The following ANKRD35 variants were observed in gnomAD, a reference collection of about 807,000 sequenced individuals.
ANKRD35 encodes the protein ankyrin repeat domain 35.
ANKRD35 carries 102 observed loss-of-function variants against 109.9 expected under a neutral mutation model. That is an observed-to-expected ratio of 0.93 (90% CI 0.79 to 1.09). ANKRD35 has a LOEUF of 1.09. ANKRD35 is among the 50% of genes least tolerant of loss of function. ANKRD35 has a pLI of 0.00. For missense variants in ANKRD35, 1,240 were observed against 1,230.1 expected, an observed-to-expected ratio of 1.01 and a Z score of -0.12; for synonymous variants, 515 against 512.4, an observed-to-expected ratio of 1.01 and a Z score of -0.07.
rs782786936 is a variant in ANKRD35 at position 145,876,815 on chromosome 1, C to G, written c.382+1G>C. ...TGTTCCCATGAGTCCCCTGCACACA[C>G]CTGCCCAGTGCAATGGACTACGGTT... is the stretch of plus-strand genomic sequence containing the variant. On this transcript the variant is annotated splice_donor_variant, in intron 5 of 13. Transcript: ENST00000355594. LOFTEE classifies it high-confidence loss of function. 1 of 1,614,134 alleles carries G rather than the reference C, an allele frequency of 6.2e-7. No homozygotes were observed. Among genetic ancestry groups the G allele is most frequent in the South Asian group, 1.1e-5 (1 of 91,082 alleles).
chr1:145,874,262 C>T (rs879966357), intron 8 of ANKRD35, 70 bp from the exon 9 acceptor site: 2 of 1,547,370 alleles, frequency 1.3e-6, no homozygotes, highest in South Asian at 2.2e-5. Context: ...ACATTCTTAT[C>T]TTCAGACTTT....
intron 12 of ANKRD35, 41 bp downstream of exon 12, chr1:145,867,950 G>T: frequency 6.3e-7 from 1 of 1,594,612 alleles, no homozygotes; most frequent in Non-Finnish European, 8.6e-7. Flanking sequence ...CCTATACTCA[G>T]CTTTATGTCT....
chr1:145,871,721 A>G (rs1029360803), intron 10 of ANKRD35, among the ~76,000 whole-genome samples: 1 of 152,086 alleles, frequency 6.6e-6, no homozygotes, highest in Admixed American at 6.6e-5. Flanking sequence ...CCCTGAGCAC[A>G]CTGCTTCTGA....
intron 4 of ANKRD35, 83 bp downstream of exon 4, chr1:145,877,885 T>A: frequency 7.2e-7 from 1 of 1,393,228 alleles, no homozygotes; most frequent in Non-Finnish European, 1.0e-6. Flanking sequence ...GGCCAACTAT[T>A]CCTTTTAAGT....
At chr1:145,876,479 C>T in intron 6 of ANKRD35, 90 bp downstream of exon 6, 1 of 1,477,870 alleles carries the variant, frequency 6.8e-7, no homozygotes, top group Non-Finnish European at 9.5e-7. Flanking sequence ...GCTAACACAG[C>T]CCTAGGTCGT....
At chr1:145,878,115 C>T (rs1428842362) in intron 3 of ANKRD35, 83 bp from the exon 4 acceptor site, 2 of 1,288,328 alleles carry the variant, frequency 1.6e-6, no homozygotes, top group East Asian at 4.6e-5. Context: ...AAGAGACGCA[C>T]AGATAATCAG....
In ANKRD35 at chr1:145,873,024, T is replaced by C; in HGVS notation, c.1745A>G (p.Glu582Gly). 6.2e-7 allele frequency: 1 copy of C among 1,611,318 alleles called. No individual in the cohort carries two copies. The highest frequency in any genetic ancestry group is 1.1e-5 in the South Asian group (1 of 90,776). ...KAAPGSIKQD[E>G]EKEKRVPGAQ... ...CCCAGGAACCCTTTTCTCCTTCTCT[T>C]CATCCTGTTTGATGCTCCCTGGGGC... Residue 582 changes from glutamate to glycine, a missense_variant, in exon 10 of 14, where the codon GAA becomes GGA. Glu to Gly is a moderately conservative substitution (Grantham distance 98). Transcript: ENST00000355594.
At position 145,867,270 on chromosome 1, in the gene ANKRD35, CT is replaced by C. The variant is rs1553737866; in HGVS notation, c.*43+16del. The C allele has an allele frequency of 3.9e-6, 6 of 1,545,026 alleles. No individual in the cohort carries two copies. Among genetic ancestry groups the C allele is most frequent in the Non-Finnish European group, 8.9e-7 (1 of 1,118,234 alleles). On this transcript the variant is annotated intron_variant, in intron 13 of 13. Transcript: ENST00000355594. ...CTCCCAAACTCCTTCCCTCATCACCCTTAACCCACAACTCACAACAGAGAAT... is the reference window on the plus strand; with the variant it reads ...CTCCCAAACTCCTTCCCTCATCACCCTAACCCACAACTCACAACAGAGAAT...
rs782174058 is a variant in ANKRD35, at chr1:145,872,879, C to T, written c.1890G>A (p.Glu630=). ...GCCGCTCCCGCCCCAACTCCCCTAA[C>T]TCCTCCAGCAAGTTACTGTTGCTCA... ...LRLSNSNLLE[E]LGELGRERQR... The change falls in exon 10 of 14, where the codon GAG becomes GAA. Residue 630 remains glutamate (E), a synonymous_variant. Transcript: ENST00000355594. 1.4e-5 allele frequency: 22 copies of T among 1,614,038 alleles called. No individual in the cohort carries two copies. The highest frequency in any genetic ancestry group is 1.6e-4 in the Middle Eastern group (1 of 6,084).
intron 1 of ANKRD35, among the ~76,000 whole-genome samples, chr1:145,885,402 G>A (rs902533167): frequency 6.6e-6 from 1 of 152,036 alleles, no homozygotes; most frequent in Non-Finnish European, 1.5e-5. Flanking sequence ...CTGGGAGACG[G>A]AGCAGAAGTA....
Position 145,873,059 on chromosome 1 carries a change from G to T in ANKRD35, c.1710C>A (p.Ala570=), listed in dbSNP as rs1653907518. Residue 570 remains alanine (A), a synonymous_variant, in exon 10 of 14, where the codon GCC becomes GCA. Transcript: ENST00000355594. ...EVPSQESREG[A]LKAAPGSIKQ... ...TGATGCTCCCTGGGGCTGCCTTTAG[G>T]GCTCCCTCTCTGGACTCCTGGGAAG... 6.2e-6 allele frequency: 10 copies of T among 1,611,524 alleles called. No individual in the cohort carries two copies. The highest frequency in any genetic ancestry group is 8.5e-6 in the Non-Finnish European group (10 of 1,178,848).
At position 145,878,002 on chromosome 1, in the gene ANKRD35, G is replaced by A; in HGVS notation, c.290C>T (p.Ser97Phe). Residue 97 changes from serine to phenylalanine, a missense_variant, in exon 4 of 14, where the codon TCC becomes TTC. By Grantham distance (155) the Ser-to-Phe change is radical (BLOSUM62 -2). Coordinates refer to ENST00000355594, the MANE Select transcript of ANKRD35 (RefSeq NM_144698.5). ...AACCTTAACACACTGTGGCTGGCAG[G>A]AGATGGTGGCCAAGTGTAGGGCAGT... ...GSTALHLATI[S>F]CQPQCVKVLL... The A allele has an allele frequency of 1.2e-6, 2 of 1,614,110 alleles. No homozygotes were observed. The highest frequency in any genetic ancestry group is 1.7e-6 in the Non-Finnish European group (2 of 1,179,998).
rs782542847 is a variant in ANKRD35, at chr1:145,874,973, A to G, written c.594T>C (p.Ser198=). 4.3e-6 allele frequency: 7 copies of G among 1,611,726 alleles called. No homozygotes were observed. The South Asian group carries it at 7.7e-5, about 18-fold the overall frequency. ...TCAGGAGCAGTTCAGCCACCTCGGC[A>G]CTGCCTTTCTCACAGGCCAGGATCA... The part of the protein sequence containing the change: ...SALILACEKG[S]AEVAELLLSH... Residue 198 remains serine (S), a synonymous_variant, in exon 8 of 14, where the codon AGT becomes AGC. Transcript: ENST00000355594.
intron 7 of ANKRD35, among the ~76,000 whole-genome samples, 174 bp from the exon 8 acceptor site, chr1:145,875,180 T>C (rs1553739841): frequency 1.3e-5 from 2 of 151,864 alleles, no homozygotes; most frequent in African/African-American, 4.8e-5. Context: ...AGTTTCACTC[T>C]TGTTGCCCAG....
At chr1:145,876,494 G>A in intron 6 of ANKRD35, 75 bp downstream of exon 6, 1 of 1,562,480 alleles carries the variant, frequency 6.4e-7, no homozygotes, top group African/African-American at 1.4e-5. Flanking sequence ...GGTCGTGGAA[G>A]TTGGCCAGTC....
chr1:145,885,783 TGGGGACGCGCAGAGAGCCGGGCCACAG>T lies in ANKRD35; in HGVS notation c.-52_-26del. ...TGGCCGGGGTCGGGGCCACGGGGGATGGGGACGCGCAGAGAGCCGGGCCACAGGTTCCCGAACCCACCGGACTTGGCT... is the reference window on the plus strand; with the variant it reads ...TGGCCGGGGTCGGGGCCACGGGGGATGTTCCCGAACCCACCGGACTTGGCT... On this transcript the variant is annotated 5_prime_UTR_variant, in exon 1 of 14. Coordinates refer to ENST00000355594, the MANE Select transcript of ANKRD35 (RefSeq NM_144698.5). 3.8e-6 allele frequency: 6 copies of T among 1,580,354 alleles called. No homozygotes were observed. The highest frequency in any genetic ancestry group is 5.2e-6 in the Non-Finnish European group (6 of 1,149,990).
chr1:145,881,703 T>C (rs1553741120), intron 1 of ANKRD35, among the ~76,000 whole-genome samples: 2 of 152,150 alleles, frequency 1.3e-5, no homozygotes, highest in Non-Finnish European at 2.9e-5. Context: ...AATTTAGGCA[T>C]GTAACAACAT....
At position 145,872,120 on chromosome 1, in the gene ANKRD35, G is replaced by A. The variant is rs782396862; in HGVS notation, c.2649C>T (p.Asp883=). 1.9e-6 allele frequency: 3 copies of A among 1,611,122 alleles called. No homozygotes were observed. Among genetic ancestry groups the A allele is most frequent in the Middle Eastern group, 1.7e-4 (1 of 5,922 alleles). The change falls in exon 10 of 14, where the codon GAC becomes GAT. Residue 883 remains aspartate (D), a synonymous_variant. Coordinates refer to ENST00000355594, the MANE Select transcript of ANKRD35 (RefSeq NM_144698.5). ...AVAEERRRSG[D]LAAQAAEQER... is the part of the protein sequence containing the mutation. ...CTTGTTCGGCTGCCTGAGCGGCCAGGTCCCCGCTCCGGCGGCGCTCCTCGG... is the reference window on the plus strand; with the variant it reads ...CTTGTTCGGCTGCCTGAGCGGCCAGATCCCCGCTCCGGCGGCGCTCCTCGG...
Position 145,872,654 on chromosome 1 carries a change from C to G in ANKRD35, c.2115G>C (p.Trp705Cys). The change falls in exon 10 of 14, where the codon TGG (tryptophan) becomes TGC (cysteine). Residue 705 changes from tryptophan to cysteine, a missense_variant. Transcript: ENST00000355594. ...ASQSSGLRGL[W>C]DCLPADLVGE... ...CCACTAGGTCTGCGGGCAGGCAGTC[C>G]CACAGCCCTCGGAGACCGCTGCTCT... 2 of 1,614,048 alleles carry G rather than the reference C, an allele frequency of 1.2e-6. No individual in the cohort carries two copies. The highest frequency in any genetic ancestry group is 1.7e-6 in the Non-Finnish European group (2 of 1,179,972).
Sources: allele counts gnomAD v4.1 joint callset (sites outside exome capture counted in the v4.1 genomes callset), GRCh38; gene constraint gnomAD v4.1.1; transcripts MANE v1.5; gene names NCBI Gene and HGNC (gene_info 2026-07-23, HGNC 2026-07-21).